Variants in DTNA observed in about 807,000 individuals in gnomAD.
DTNA encodes dystrobrevin alpha, also known as dystrophin-related protein 3.
DTNA carries 43 observed loss-of-function variants against 100.7 expected under a neutral mutation model. That is an observed-to-expected ratio of 0.43 (90% CI 0.33 to 0.55). DTNA has a LOEUF of 0.55. Ranked by LOEUF, DTNA falls within the 20% of genes least tolerant of loss-of-function variation. DTNA has a pLI of 0.04. For synonymous variants in DTNA, 349 were observed against 347.9 expected, an observed-to-expected ratio of 1.00 and a Z score of -0.04; for missense variants, 798 against 953.9, an observed-to-expected ratio of 0.84 and a Z score of 2.15.
At chr18:34,776,503 G>A (rs903083009) in intron 3 of DTNA, among the ~76,000 whole-genome samples, 3 of 152,042 alleles carry the variant, frequency 2.0e-5, no homozygotes, top group African/African-American at 7.2e-5. Context: ...CACCACACCT[G>A]ACTAATCTTT....
chr18:34,589,083 G>A (rs556999181), intron 1 of DTNA, among the ~76,000 whole-genome samples: 1 of 151,778 alleles, frequency 6.6e-6, no homozygotes, highest in South Asian at 2.1e-4. Context: ...CATGATTACA[G>A]TTATTTTCAT....
At chr18:34,698,214 A>C (rs1424823893) in intron 1 of DTNA, among the ~76,000 whole-genome samples, 1 of 152,196 alleles carries the variant, frequency 6.6e-6, no homozygotes, top group South Asian at 2.1e-4. Flanking sequence ...GTGAGTGAAG[A>C]GACTTTTCCC....
At chr18:34,609,716 T>C (rs1420146480) in intron 1 of DTNA, among the ~76,000 whole-genome samples, 1 of 152,178 alleles carries the variant, frequency 6.6e-6, no homozygotes, top group Admixed American at 6.5e-5. Context: ...TCCTTCCTTG[T>C]CTACTTGCCT....
intron 1 of DTNA, among the ~76,000 whole-genome samples, chr18:34,696,121 T>G (rs2145997436): frequency 6.6e-6 from 1 of 152,310 alleles, no homozygotes; most frequent in East Asian, 1.9e-4. Context: ...TTCCTTATAC[T>G]GGGACATTTG....
At chr18:34,618,965 C>T (rs2055901574) in intron 1 of DTNA, among the ~76,000 whole-genome samples, 1 of 151,888 alleles carries the variant, frequency 6.6e-6, no homozygotes, top group South Asian at 2.1e-4. Flanking sequence ...CCCCAAAAGG[C>T]ATTATAGAGG....
At chr18:34,581,767 G>T (rs932508227) in intron 1 of DTNA, among the ~76,000 whole-genome samples, 14 of 151,850 alleles carry the variant, frequency 9.2e-5, no homozygotes, top group Non-Finnish European at 1.9e-4. Flanking sequence ...GGGACTACAG[G>T]TGCACACCAC....
intron 1 of DTNA, among the ~76,000 whole-genome samples, chr18:34,561,290 G>A (rs1275500008): frequency 1.3e-5 from 2 of 152,074 alleles, no homozygotes; most frequent in Non-Finnish European, 2.9e-5. Flanking sequence ...AAGAAGGATC[G>A]AGATGAAATT....
At chr18:34,725,411 A>C (rs1237051379) in intron 1 of DTNA, among the ~76,000 whole-genome samples, 2 of 150,076 alleles carry the variant, frequency 1.3e-5, no homozygotes, top group Admixed American at 1.3e-4. Flanking sequence ...AAAAAAAAAA[A>C]ACAACCCCAT....
chr18:34,799,386 A>G (rs1189949273), intron 4 of DTNA, among the ~76,000 whole-genome samples: 1 of 152,238 alleles, frequency 6.6e-6, no homozygotes, highest in Non-Finnish European at 1.5e-5. Flanking sequence ...GAATTTAAAA[A>G]ATGATTCGAT....
rs531655774 is a variant in DTNA, at chr18:34,525,729, A to G, written c.-2+32215A>G. 2.0e-5 allele frequency among the ~76,000 whole-genome samples: 3 copies of G among 152,300 alleles called. No homozygotes were observed. The South Asian group carries it at 6.2e-4, about 32-fold the overall frequency. On this transcript the variant is annotated intron_variant, in intron 1 of 19. Coordinates refer to the DTNA transcript ENST00000283365. ...TTCCTCAATTATTTTATTGATCCAG[A>G]AAAAGCCAAACATTTTCCAGGAATC...
At chr18:34,621,644 T>G (rs2730103) in intron 1 of DTNA, among the ~76,000 whole-genome samples, 41,027 of 151,954 alleles carry the variant, frequency 0.27, 7,581 homozygotes, top group African/African-American at 0.52. Context: ...TAGAAATTGA[T>G]AATAGAATGG....
At chr18:34,817,964 C>T in intron 7 of DTNA, 200 bp from the exon 8 acceptor site, 1 of 1,466,342 alleles carries the variant, frequency 6.8e-7, no homozygotes, top group East Asian at 2.6e-5. Context: ...CATCCCATTT[C>T]ATTTCATTTC....
At chr18:34,805,177 G>A (rs72963022) in intron 4 of DTNA, among the ~76,000 whole-genome samples, 17,470 of 152,154 alleles carry the variant, frequency 0.11, 1,047 homozygotes, top group African/African-American at 0.14. Context: ...GTTGATTCCA[G>A]CTGGAAAATC....
rs1340963717 is a variant in DTNA at position 34,831,979 on chromosome 18, A to G, written c.1175+2490A>G. ...TGTGCCTTTTTCATTTTTAAAAAAT[A>G]TTTTTGCTTACCCAAAGATTCTTTA... On this transcript the variant is annotated intron_variant, in intron 11 of 22. Coordinates refer to ENST00000444659, the MANE Select transcript of DTNA (RefSeq NM_001386795.1). 1.4e-4 allele frequency among the ~76,000 whole-genome samples: 21 copies of G among 152,252 alleles called. No individual in the cohort carries two copies. The East Asian group carries it at 3.9e-3, about 28-fold the overall frequency.
chr18:34,674,881 A>C (rs2077208428), intron 1 of DTNA, among the ~76,000 whole-genome samples: 2 of 152,192 alleles, frequency 1.3e-5, no homozygotes, highest in Admixed American at 1.3e-4. Context: ...TGCTGCAATG[A>C]AAGACCTCCA....
At chr18:34,690,532 GT>G (rs1486552564) in intron 1 of DTNA, among the ~76,000 whole-genome samples, 1 of 152,180 alleles carries the variant, frequency 6.6e-6, no homozygotes, top group Non-Finnish European at 1.5e-5. Flanking sequence ...TCACCCACCT[GT>G]TGCGTTGGTC....
chr18:34,565,505 G>A (rs371702784), intron 1 of DTNA, among the ~76,000 whole-genome samples: 1 of 152,278 alleles, frequency 6.6e-6, no homozygotes, highest in South Asian at 2.1e-4. Context: ...CGGTCAGGAG[G>A]CTAGAAGTCC....
intron 3 of DTNA, among the ~76,000 whole-genome samples, chr18:34,785,273 G>T (rs2094471578): frequency 6.6e-6 from 1 of 152,208 alleles, no homozygotes; most frequent in Non-Finnish European, 1.5e-5. Flanking sequence ...GTCTCTCATG[G>T]ATTTATAACA....
At chr18:34,756,208 G>A (rs537221155) in intron 2 of DTNA, among the ~76,000 whole-genome samples, 165 bp downstream of exon 2, 5 of 152,188 alleles carry the variant, frequency 3.3e-5, no homozygotes, top group Admixed American at 2.0e-4. Context: ...CTTGGCAAGA[G>A]TTCAGTTAGT....
Sources: allele counts gnomAD v4.1 joint callset (sites outside exome capture counted in the v4.1 genomes callset), GRCh38; gene constraint gnomAD v4.1.1; transcripts MANE v1.5; gene names NCBI Gene and HGNC (gene_info 2026-07-23, HGNC 2026-07-21).